Variants in LYRM7 observed in about 807,000 individuals in gnomAD.
LYRM7 encodes the protein LYR motif containing 7, also known as complex III assembly factor LYRM7.
LYRM7 carries 9 observed loss-of-function variants against 15.8 expected under a neutral mutation model. That is an observed-to-expected ratio of 0.57 (90% CI 0.34 to 0.99). The LOEUF (loss-of-function observed/expected upper bound fraction) is 0.99. Among genes scored for constraint, LYRM7 ranks in the 50% least tolerant of loss-of-function variants. LYRM7 has a pLI of 0.02. For missense variants in LYRM7, 115 were observed against 119.1 expected (o/e 0.97, Z 0.16); for synonymous variants, 39 against 39.4 (o/e 0.99, Z 0.04).
chr5:131,204,317 G>A lies in LYRM7; in HGVS notation c.*4716G>A, dbSNP rs1440724396. 2 of 151,966 alleles carry A rather than the reference G, an allele frequency of 1.3e-5. No homozygotes were observed. Among genetic ancestry groups the A allele is most frequent in the Non-Finnish European group, 2.9e-5 (2 of 68,012 alleles). 9.4% of individuals were successfully genotyped at this position (151,966 alleles called of 1,614,324 possible). On this transcript the variant is annotated 3_prime_UTR_variant, in exon 5 of 5. Transcript: ENST00000379380. ...AAAAACTCAAAGAATACTAATAAAT[G>A]TGTACTCAGGTATATGTACAGAAAT... is the stretch of plus-strand genomic sequence containing the variant.
At chr5:131,190,618 G>T (rs944870588) in intron 4 of LYRM7, among the ~76,000 whole-genome samples, 3 of 151,558 alleles carry the variant, frequency 2.0e-5, no homozygotes, top group Non-Finnish European at 4.4e-5. Context: ...AGCCCCTCAA[G>T]TAGCTGGGAT....
At chr5:131,176,363 C>G (rs1755602680) in intron 1 of LYRM7, among the ~76,000 whole-genome samples, 2 of 152,142 alleles carry the variant, frequency 1.3e-5, no homozygotes, top group African/African-American at 2.4e-5. Flanking sequence ...ATAAGAGTTC[C>G]TATTTTTCCA....
chr5:131,185,496 A>T (rs1228086437), intron 3 of LYRM7, among the ~76,000 whole-genome samples: 1 of 152,238 alleles, frequency 6.6e-6, no homozygotes, highest in Non-Finnish European at 1.5e-5. Context: ...TTTTTTACCC[A>T]TGCATGATTT....
chr5:131,187,180 G>T (rs1295040397), intron 4 of LYRM7, 71 bp downstream of exon 4: 2 of 820,004 alleles, frequency 2.4e-6, no homozygotes, highest in African/African-American at 3.5e-5. Context: ...TATAGCACAT[G>T]TAATGCTGAG....
At chr5:131,171,071 C>T (rs1755511732) in intron 1 of LYRM7, 33 bp downstream of exon 1, 3 of 1,510,248 alleles carry the variant, frequency 2.0e-6, no homozygotes, top group African/African-American at 1.5e-5. Flanking sequence ...GGGTACGATG[C>T]CGTCGGGGAG....
intron 4 of LYRM7, 72 bp from the exon 5 acceptor site, chr5:131,199,459 G>T: frequency 2.0e-6 from 2 of 1,011,664 alleles, no homozygotes; most frequent in East Asian, 2.6e-5. Flanking sequence ...AATTTTAGGG[G>T]GAAATGAGTG....
At position 131,190,140 on chromosome 5, in the gene LYRM7, AAAAAAAAAAGAAAAG is replaced by A. The variant is rs574101918; in HGVS notation, c.244+3045_244+3059del. ...CAGAGCCAGACCCTGTCTCACAAAA[AAAAAAAAAAGAAAAG>A]AAAAAAAAAGAAATTATTAGATCTG... is the stretch of plus-strand genomic sequence containing the variant. On this transcript the variant is annotated intron_variant, in intron 4 of 4. Transcript: ENST00000379380. Among the ~76,000 whole-genome samples, 575 of 151,786 alleles carry A rather than the reference AAAAAAAAAAGAAAAG, an allele frequency of 3.8e-3. 4 individuals carry two copies. The highest frequency in any genetic ancestry group is 0.013 in the African/African-American group (550 of 41,418).
chr5:131,195,690 T>C (rs1755952429), intron 4 of LYRM7, among the ~76,000 whole-genome samples: 1 of 152,210 alleles, frequency 6.6e-6, no homozygotes, highest in Admixed American at 6.5e-5. Context: ...TCTTCATCCT[T>C]ATTTTTCTGT....
At chr5:131,199,330 A>G (rs906850224) in intron 4 of LYRM7, among the ~76,000 whole-genome samples, 7 of 152,168 alleles carry the variant, frequency 4.6e-5, no homozygotes, top group South Asian at 2.1e-4. Context: ...ATGTTTTTAT[A>G]TAATCTGAAA....
In LYRM7 at chr5:131,200,765, TAC is replaced by T. The variant is rs1756048558; in HGVS notation, c.*1166_*1167del. On this transcript the variant is annotated 3_prime_UTR_variant, in exon 5 of 5. Coordinates refer to ENST00000379380, the MANE Select transcript of LYRM7 (RefSeq NM_181705.4). ...TAATCACTATATAAATGTGCTGACT[TAC>T]AGTTATTTTAGTGTCTATATGACAT... The T allele has an allele frequency of 6.6e-6, 1 of 152,320 alleles. No homozygotes were observed. Among genetic ancestry groups the T allele is most frequent in the Admixed American group, 6.5e-5 (1 of 15,278 alleles). The allele number at this position is 152,320 out of a possible 1,614,324, so 9.4% of individuals were successfully genotyped here.
intron 3 of LYRM7, among the ~76,000 whole-genome samples, chr5:131,182,993 A>G (rs1000301608): frequency 1.3e-5 from 2 of 152,184 alleles, no homozygotes; most frequent in Non-Finnish European, 2.9e-5. Context: ...CAAGATAGTT[A>G]TGGTTCCAAG....
intron 2 of LYRM7, among the ~76,000 whole-genome samples, chr5:131,181,275 GAAAAAA>G (rs1195878324): frequency 2.4e-4 from 2 of 8,340 alleles, no homozygotes; most frequent in African/African-American, 5.3e-4. Flanking sequence ...GACTCCATCT[GAAAAAA>G]AAAAAAAAAA....
At chr5:131,184,643 G>GC (rs1755765782) in intron 3 of LYRM7, among the ~76,000 whole-genome samples, 1 of 137,954 alleles carries the variant, frequency 7.2e-6, no homozygotes, top group African/African-American at 3.4e-5. Flanking sequence ...TTTTTGGCGG[G>GC]GGGGGGGTTC....
intron 1 of LYRM7, among the ~76,000 whole-genome samples, chr5:131,179,268 A>G (rs1426015317): frequency 6.6e-6 from 1 of 152,094 alleles, no homozygotes; most frequent in Non-Finnish European, 1.5e-5. Flanking sequence ...AATGTTTTTA[A>G]TGTAGAGATA....
rs377279029 is a variant in LYRM7 at position 131,194,313 on chromosome 5, T to C, written c.245-5218T>C. Among the ~76,000 whole-genome samples the C allele has an allele frequency of 5.3e-4, 81 of 152,320 alleles. 1 individual carries two copies. Among genetic ancestry groups the C allele is most frequent in the African/African-American group, 1.8e-3 (74 of 41,564 alleles). On this transcript the variant is annotated intron_variant, in intron 4 of 4. Transcript: ENST00000379380. ...AGTTAATGAATACAGAAGAATTCAG[T>C]TGTAAAATATCTTTTGATGCCAAAG...
intron 1 of LYRM7, among the ~76,000 whole-genome samples, chr5:131,177,697 A>C (rs1385529461): frequency 6.6e-6 from 1 of 152,142 alleles, no homozygotes; most frequent in Non-Finnish European, 1.5e-5. Context: ...TATGAGTTTT[A>C]TGTTGGGCAC....
chr5:131,174,412 G>A (rs1190625281), intron 1 of LYRM7, among the ~76,000 whole-genome samples: 1 of 152,206 alleles, frequency 6.6e-6, no homozygotes, highest in Non-Finnish European at 1.5e-5. Context: ...CCAAATGCCT[G>A]TTATTGTTGC....
chr5:131,182,267 A>C lies in LYRM7; in HGVS notation c.130A>C (p.Lys44Gln), dbSNP rs764166987. The C allele has an allele frequency of 2.1e-6, 3 of 1,436,334 alleles. No individual in the cohort carries two copies. Among genetic ancestry groups the C allele is most frequent in the Admixed American group, 2.2e-5 (1 of 46,304 alleles). The allele number at this position is 1,436,334 out of a possible 1,614,324, so 89.0% of individuals were successfully genotyped here. ...GATAAATGAAGAATTCAAAAATAAT[A>C]AAAGTGAAACTTCTTCTAAGAAAAT... ...IKINEEFKNN[K>Q]SETSSKKIEE... The change falls in exon 3 of 5, where the codon AAA (lysine) becomes CAA (glutamine). Residue 44 changes from lysine to glutamine, a missense_variant. Lys to Gln is a moderately conservative substitution (Grantham distance 53). Coordinates refer to ENST00000379380, the MANE Select transcript of LYRM7 (RefSeq NM_181705.4).
At position 131,180,104 on chromosome 5, in the gene LYRM7, C is replaced by T; in HGVS notation, c.28C>T (p.Leu10Phe). Reference sequence around the variant, plus strand: ...CTGATTTTCTTAACAGGTTTTACAGCTCTTTAAAACACTGCACAGGACCAG... The same window carrying T: ...CTGATTTTCTTAACAGGTTTTACAGTTCTTTAAAACACTGCACAGGACCAG... MGRAVKVLQ[L>F]FKTLHRTRQQ... Residue 10 changes from leucine (L) to phenylalanine (F), a missense_variant, in exon 2 of 5, where the codon CTC (leucine) becomes TTC (phenylalanine). Coordinates refer to ENST00000379380, the MANE Select transcript of LYRM7 (RefSeq NM_181705.4). The T allele has an allele frequency of 6.2e-7, 1 of 1,610,454 alleles. No individual in the cohort carries two copies. Among genetic ancestry groups the T allele is most frequent in the Non-Finnish European group, 8.5e-7 (1 of 1,177,218 alleles).
Sources: gnomAD v4.1 joint callset for allele counts (sites outside exome capture counted in the v4.1 genomes callset) on GRCh38, gnomAD v4.1.1 for gene constraint, MANE v1.5 for transcripts, NCBI Gene and HGNC (gene_info 2026-07-23, HGNC 2026-07-21) for gene names.